The following TCP11L2 variants were observed in gnomAD, a reference collection of about 807,000 sequenced individuals.
The protein encoded by TCP11L2 is T-complex protein 11-like protein 2.
In TCP11L2, 39 loss-of-function variants were observed where a neutral mutation model predicts 50.7. That is an observed-to-expected ratio of 0.77 (90% confidence interval 0.60 to 1.01). TCP11L2 has a LOEUF of 1.01. Among genes scored for constraint, TCP11L2 ranks in the 50% least tolerant of loss-of-function variants. The probability of loss-of-function intolerance (pLI) is 0.00; values close to 1 mark genes in which losing one functional copy is unlikely to be tolerated. For missense variants in TCP11L2, 612 were observed against 614.7 expected (o/e 1.00, Z 0.05); for synonymous variants, 192 against 219.3 (o/e 0.88, Z 1.10).
chr12:106,319,656 C>A (rs11112938), intron 4 of TCP11L2, among the ~76,000 whole-genome samples: 2,074 of 152,300 alleles, frequency 0.014, 35 homozygotes, highest in African/African-American at 0.047. Flanking sequence ...CAAGGGCTTG[C>A]TCTATTCCAA....
At chr12:106,302,556 G>A (rs1003846971), upstream of TCP11L2, among the ~76,000 whole-genome samples, 1 of 151,602 alleles carries the variant, frequency 6.6e-6, no homozygotes, top group African/African-American at 2.4e-5. Context: ...CGCCGCGCGG[G>A]GGAACCGTGC....
chr12:106,304,450 C>G (rs1256563009), intron 1 of TCP11L2, among the ~76,000 whole-genome samples: 1 of 152,254 alleles, frequency 6.6e-6, no homozygotes, highest in African/African-American at 2.4e-5. Context: ...TATCCCTCTG[C>G]TCTATGGTTT....
At chr12:106,334,720 A>G (rs2035852385) in intron 6 of TCP11L2, among the ~76,000 whole-genome samples, 1 of 152,126 alleles carries the variant, frequency 6.6e-6, no homozygotes, top group Non-Finnish European at 1.5e-5. Flanking sequence ...AGGTGGGTGG[A>G]TCATGAGGTC....
chr12:106,310,901 C>A, intron 1 of TCP11L2, 140 bp from the exon 2 acceptor site: 1 of 701,518 alleles, frequency 1.4e-6, no homozygotes, highest in Non-Finnish European at 2.3e-6. Context: ...GGCCAAGGTG[C>A]TGGGGGAAGG....
Position 106,346,431 on chromosome 12 carries a change from C to T in TCP11L2, c.1461C>T (p.Asn487=), listed in dbSNP as rs1299867153. The T allele has an allele frequency of 6.2e-7, 1 of 1,614,030 alleles. No homozygotes were observed. Among genetic ancestry groups the T allele is most frequent in the Non-Finnish European group, 8.5e-7 (1 of 1,180,030 alleles). Residue 487 remains asparagine (N), a synonymous_variant, in exon 10 of 10, where the codon AAC becomes AAT. Coordinates refer to ENST00000299045, the MANE Select transcript of TCP11L2 (RefSeq NM_152772.3). ...GSQYANIVNL[N]KQVYGPFYAN... Reference sequence around the variant, plus strand: ...AATATGCAAACATTGTGAATCTCAACAAACAAGTGTATGGACCATTTTATG... The same window carrying T: ...AATATGCAAACATTGTGAATCTCAATAAACAAGTGTATGGACCATTTTATG...
At chr12:106,330,254 TG>T in intron 6 of TCP11L2, 2 of 985,272 alleles carry the variant, frequency 2.0e-6, no homozygotes, top group Non-Finnish European at 2.4e-6. Flanking sequence ...TAGTTCATGA[TG>T]TAAGAGACAT....
chr12:106,310,634 T>G (rs953359463), intron 1 of TCP11L2, among the ~76,000 whole-genome samples: 2 of 152,214 alleles, frequency 1.3e-5, no homozygotes, highest in African/African-American at 2.4e-5. Context: ...AGGTAGGTAG[T>G]TAAGTGACCT....
chr12:106,316,814 A>G (rs2035105335), intron 3 of TCP11L2, among the ~76,000 whole-genome samples: 1 of 152,208 alleles, frequency 6.6e-6, no homozygotes, highest in African/African-American at 2.4e-5. Context: ...TTGGATGTTT[A>G]ATAAACATTT....
rs1352854138 is a variant in TCP11L2 at position 106,346,614 on chromosome 12, CA to C, written c.*85del. 1.5e-5 allele frequency: 23 copies of C among 1,517,602 alleles called. No homozygotes were observed. Among genetic ancestry groups the C allele is most frequent in the Admixed American group, 4.0e-5 (2 of 50,528 alleles). The allele number at this position is 1,517,602 out of a possible 1,614,324, so 94.0% of individuals were successfully genotyped here. A position where few individuals can be genotyped will look rare whatever the true frequency, so the allele number is the denominator to read the frequency against. On this transcript the variant is annotated 3_prime_UTR_variant, in exon 10 of 10. Transcript: ENST00000299045. ...TCCATTGATGGCATTAGAGATCCAGCACATTCTCAGTACTGTGGTGCAGTAT... is the reference window on the plus strand; with the variant it reads ...TCCATTGATGGCATTAGAGATCCAGCCATTCTCAGTACTGTGGTGCAGTAT...
intron 8 of TCP11L2, 74 bp downstream of exon 8, chr12:106,336,287 C>A: frequency 1.5e-6 from 2 of 1,357,898 alleles, no homozygotes; most frequent in Admixed American, 2.5e-5. Flanking sequence ...CAAGAATGAC[C>A]TTGGACATCT....
Position 106,318,360 on chromosome 12 carries a change from A to C in TCP11L2, c.310A>C (p.Lys104Gln). 6.2e-7 allele frequency: 1 copy of C among 1,613,878 alleles called. No individual in the cohort carries two copies. The highest frequency in any genetic ancestry group is 8.5e-7 in the Non-Finnish European group (1 of 1,179,802). ...LPEKSLAGRV[K>Q]HIVHQAFWDV... The stretch of plus-strand genomic sequence containing the variant: ...TTGCCATAGTTTGGCTGGTCGAGTG[A>C]AGCACATTGTTCACCAGGCCTTCTG... Residue 104 changes from lysine to glutamine, a missense_variant, in exon 4 of 10, where the codon AAG becomes CAG. Lys to Gln is a moderately conservative substitution (Grantham distance 53). Coordinates refer to ENST00000299045, the MANE Select transcript of TCP11L2 (RefSeq NM_152772.3).
chr12:106,312,152 A>C (rs898625062), intron 2 of TCP11L2: 13 of 355,752 alleles, frequency 3.7e-5, no homozygotes, highest in African/African-American at 2.8e-4. Flanking sequence ...ACATTTACTC[A>C]TGATTACATG....
chr12:106,302,195 G>A (rs1349096337), upstream of TCP11L2, among the ~76,000 whole-genome samples: 1 of 152,088 alleles, frequency 6.6e-6, no homozygotes, highest in Non-Finnish European at 1.5e-5. Context: ...TTCCACGCGC[G>A]GCCGGGAGCT....
intron 4 of TCP11L2, among the ~76,000 whole-genome samples, chr12:106,319,463 G>C (rs2035255239): frequency 6.6e-6 from 1 of 152,182 alleles, no homozygotes; most frequent in African/African-American, 2.4e-5. Flanking sequence ...GTTTCCCCCT[G>C]CACCTCCTGG....
At chr12:106,343,485 T>G (rs1466507635) in intron 9 of TCP11L2, among the ~76,000 whole-genome samples, 1 of 152,176 alleles carries the variant, frequency 6.6e-6, no homozygotes, top group African/African-American at 2.4e-5. Context: ...CAGTATGCTT[T>G]CTTTTGTTCT....
At chr12:106,329,557 G>A (rs1161694536) in intron 6 of TCP11L2, 2 of 1,419,774 alleles carry the variant, frequency 1.4e-6, no homozygotes, top group Admixed American at 2.9e-5. Context: ...CCCTGCCTCA[G>A]ACAGAATAAA....
intron 1 of TCP11L2, among the ~76,000 whole-genome samples, chr12:106,309,167 G>A (rs1207957925): frequency 6.6e-6 from 1 of 152,206 alleles, no homozygotes; most frequent in Non-Finnish European, 1.5e-5. Flanking sequence ...ATTCCATTTA[G>A]GATTTGGGGT....
At chr12:106,314,529 AAG>A in intron 3 of TCP11L2, 36 bp downstream of exon 3, 1 of 1,499,908 alleles carries the variant, frequency 6.7e-7, no homozygotes, top group Non-Finnish European at 9.1e-7. Flanking sequence ...TAAACTGCTG[AAG>A]ATTCTGTGTG....
At chr12:106,337,265 A>G (rs1021127751) in intron 8 of TCP11L2, among the ~76,000 whole-genome samples, 3 of 152,196 alleles carry the variant, frequency 2.0e-5, no homozygotes, top group African/African-American at 7.2e-5. Context: ...ATGAAATCCT[A>G]GACTATTAAG....
Sources: allele counts gnomAD v4.1 joint callset (sites outside exome capture counted in the v4.1 genomes callset), GRCh38; gene constraint gnomAD v4.1.1; transcripts MANE v1.5; gene names NCBI Gene and HGNC (gene_info 2026-07-23, HGNC 2026-07-21).